Variants in GIPC2 observed in about 807,000 individuals in gnomAD.
GIPC2 encodes the protein PDZ domain-containing protein GIPC2.
GIPC2 carries 30 observed loss-of-function variants against 30.6 expected under a neutral mutation model. The observed-to-expected ratio is 0.98, with a 90% CI of 0.73 to 1.33. GIPC2 has a LOEUF of 1.33. Among genes scored for constraint, GIPC2 ranks in the 40% most tolerant of loss-of-function variants. GIPC2 has a pLI of 0.00. For synonymous variants in GIPC2, 167 were observed against 150.0 expected (o/e 1.11, Z -0.83); for missense variants, 414 against 390.3 (o/e 1.06, Z -0.51).
intron 1 of GIPC2, 42 bp downstream of exon 1, chr1:78,046,376 G>T (rs1661085736): frequency 2.1e-6 from 3 of 1,444,464 alleles, no homozygotes; most frequent in South Asian, 2.4e-5. Flanking sequence ...TCTCCGCCGC[G>T]CCGCGCCGCG....
At chr1:78,078,183 A>G (rs12071419) in intron 1 of GIPC2, among the ~76,000 whole-genome samples, 24 of 76,226 alleles carry the variant, frequency 3.1e-4, no homozygotes, top group African/African-American at 9.3e-4. Flanking sequence ...GCGAGACTCC[A>G]TCTCAAAAAA....
At chr1:78,046,357 T>G (rs770949826) in intron 1 of GIPC2, 23 bp downstream of exon 1, 12 of 1,560,240 alleles carry the variant, frequency 7.7e-6, no homozygotes, top group Non-Finnish European at 1.0e-5. Flanking sequence ...GTGCTCAGGC[T>G]CTCCCGCCTC....
At chr1:78,090,732 T>C (rs1402953048) in intron 2 of GIPC2, among the ~76,000 whole-genome samples, 1 of 152,184 alleles carries the variant, frequency 6.6e-6, no homozygotes, top group Non-Finnish European at 1.5e-5. Flanking sequence ...TACTTACATA[T>C]TTCTAACATT....
chr1:78,100,927 C>CAA (rs111747897), intron 3 of GIPC2, among the ~76,000 whole-genome samples: 172 of 98,502 alleles, frequency 1.7e-3, no homozygotes, highest in Middle Eastern at 5.4e-3. Flanking sequence ...GAGACCCTGT[C>CAA]AAAAAAAAAA....
At chr1:78,119,915 A>G (rs1015302078) in intron 4 of GIPC2, among the ~76,000 whole-genome samples, 2 of 152,234 alleles carry the variant, frequency 1.3e-5, no homozygotes, top group Non-Finnish European at 2.9e-5. Flanking sequence ...TGTCGCTTCC[A>G]TCAGCAGATC....
intron 1 of GIPC2, among the ~76,000 whole-genome samples, chr1:78,062,430 A>G (rs1206333854): frequency 6.6e-6 from 1 of 151,316 alleles, no homozygotes; most frequent in African/African-American, 2.4e-5. Context: ...TCCTGCCTGT[A>G]TGTAAAAGTG....
chr1:78,100,720 G>A (rs1333459092), intron 3 of GIPC2, among the ~76,000 whole-genome samples: 10 of 151,824 alleles, frequency 6.6e-5, no homozygotes, highest in Admixed American at 6.6e-5. Flanking sequence ...ACTTGAGGTC[G>A]GGAGTTTGAG....
intron 1 of GIPC2, among the ~76,000 whole-genome samples, chr1:78,051,446 A>G (rs1025867945): frequency 2.0e-5 from 3 of 152,204 alleles, no homozygotes; most frequent in African/African-American, 7.2e-5. Flanking sequence ...TTCTCTCCCC[A>G]TACATAAAGC....
intron 3 of GIPC2, among the ~76,000 whole-genome samples, chr1:78,102,950 C>A (rs1026132096): frequency 3.9e-5 from 6 of 152,204 alleles, no homozygotes; most frequent in Admixed American, 1.3e-4. Context: ...TATCACATCT[C>A]ATATCAACTA....
intron 3 of GIPC2, among the ~76,000 whole-genome samples, chr1:78,118,534 T>C (rs1303638144): frequency 6.6e-6 from 1 of 152,144 alleles, no homozygotes; most frequent in Non-Finnish European, 1.5e-5. Flanking sequence ...TTGTTGCAAA[T>C]GCAGGATAAG....
chr1:78,064,900 C>T (rs1661474170), intron 1 of GIPC2, among the ~76,000 whole-genome samples: 1 of 151,930 alleles, frequency 6.6e-6, no homozygotes, highest in African/African-American at 2.4e-5. Context: ...CATGCCAGTA[C>T]CCTTGGCTAA....
intron 5 of GIPC2, among the ~76,000 whole-genome samples, chr1:78,128,483 G>A (rs1273320554): frequency 6.6e-6 from 1 of 152,096 alleles, no homozygotes; most frequent in East Asian, 1.9e-4. Context: ...AGACATATAA[G>A]GAAATATGTA....
chr1:78,131,446 G>A (rs530306090), intron 5 of GIPC2, among the ~76,000 whole-genome samples: 1 of 152,176 alleles, frequency 6.6e-6, no homozygotes, highest in African/African-American at 2.4e-5. Flanking sequence ...CTGATCTCGT[G>A]ATCCACCCGC....
At chr1:78,134,880 T>A (rs1662971513) in intron 5 of GIPC2, among the ~76,000 whole-genome samples, 1 of 152,076 alleles carries the variant, frequency 6.6e-6, no homozygotes, top group Non-Finnish European at 1.5e-5. Flanking sequence ...TGAGTGGAAA[T>A]CCACTGAGCC....
At chr1:78,079,432 A>G (rs937296017) in intron 1 of GIPC2, among the ~76,000 whole-genome samples, 2 of 152,134 alleles carry the variant, frequency 1.3e-5, no homozygotes, top group African/African-American at 4.8e-5. Flanking sequence ...TAGTAAATGC[A>G]CCCTATTTCT....
At chr1:78,132,590 A>G (rs1225180357) in intron 5 of GIPC2, among the ~76,000 whole-genome samples, 1 of 151,816 alleles carries the variant, frequency 6.6e-6, no homozygotes, top group Non-Finnish European at 1.5e-5. Flanking sequence ...GCACTAGACA[A>G]TGCTGCTGAG....
intron 3 of GIPC2, among the ~76,000 whole-genome samples, chr1:78,098,487 T>A (rs543361301): frequency 5.3e-5 from 8 of 152,352 alleles, no homozygotes; most frequent in African/African-American, 1.9e-4. Context: ...AAATTATTTT[T>A]AAATTATCTA....
rs1389564240 is a variant in GIPC2, at chr1:78,135,642, G to A, written c.847G>A (p.Ala283Thr). 6.2e-7 allele frequency: 1 copy of A among 1,607,244 alleles called. No individual in the cohort carries two copies. ...GKDKVNPDEF[A>T]VALDETLGDF... ...GGACAAAGTAAATCCAGATGAATTT[G>A]CTGTGGCACTTGACGAAACTCTTGG... The change falls in exon 6 of 6, where the codon GCT (alanine) becomes ACT (threonine). Residue 283 changes from alanine (A) to threonine (T), a missense_variant. By Grantham distance (58) the Ala-to-Thr change is moderately conservative (BLOSUM62 0). Coordinates refer to ENST00000370759, the MANE Select transcript of GIPC2 (RefSeq NM_017655.6).
At chr1:78,124,624 A>T (rs1225051472) in intron 4 of GIPC2, among the ~76,000 whole-genome samples, 1 of 152,152 alleles carries the variant, frequency 6.6e-6, no homozygotes, top group African/African-American at 2.4e-5. Context: ...TCCCTCTAAC[A>T]TGACTCTGTG....
Sources: gnomAD v4.1 joint callset for allele counts (sites outside exome capture counted in the v4.1 genomes callset) on GRCh38, gnomAD v4.1.1 for gene constraint, MANE v1.5 for transcripts, NCBI Gene and HGNC (gene_info 2026-07-23, HGNC 2026-07-21) for gene names.